Variants in NCOA1 observed in about 807,000 individuals in gnomAD.
The protein encoded by NCOA1 is nuclear receptor coactivator 1.
A neutral mutation model predicts 150.9 loss-of-function variants in NCOA1; 35 were observed. The observed-to-expected ratio is 0.23, with a 90% CI of 0.18 to 0.31. The LOEUF (loss-of-function observed/expected upper bound fraction) is 0.31, where lower values mean the gene tolerates loss of function less well. Ranked by LOEUF, NCOA1 falls within the 10% of genes least tolerant of loss-of-function variation. The probability of loss-of-function intolerance (pLI) is 1.00; values close to 1 mark genes in which losing one functional copy is unlikely to be tolerated. For synonymous variants in NCOA1, 590 were observed against 630.0 expected (o/e 0.94, Z 0.95); for missense variants, 1,491 against 1,749.3 (o/e 0.85, Z 2.63).
chr2:24,645,380 G>A (rs1260751882), intron 4 of NCOA1, among the ~76,000 whole-genome samples: 2 of 151,102 alleles, frequency 1.3e-5, no homozygotes, highest in Non-Finnish European at 2.9e-5. Context: ...GTGGGCGCCT[G>A]TAGTCCTAGC....
chr2:24,737,147 TC>T (rs1376662644), intron 17 of NCOA1, among the ~76,000 whole-genome samples: 5 of 152,200 alleles, frequency 3.3e-5, no homozygotes, highest in African/African-American at 1.2e-4. Context: ...AGTTAAGATT[TC>T]CAAGGAGCTG....
At chr2:24,730,871 C>CAAAAAAAAAAAA (rs35975198) in intron 17 of NCOA1, among the ~76,000 whole-genome samples, 6 of 61,840 alleles carry the variant, frequency 9.7e-5, no homozygotes, top group African/African-American at 3.6e-4. Context: ...ACTAAAAGTA[C>CAAAAAAAAAAAA]AAAAAAAAAA....
chr2:24,595,750 C>T (rs1292529886), intron 3 of NCOA1, among the ~76,000 whole-genome samples: 1 of 151,978 alleles, frequency 6.6e-6, no homozygotes, highest in African/African-American at 2.4e-5. Flanking sequence ...GCCTTGCAGC[C>T]TCTGCATAGA....
intron 3 of NCOA1, among the ~76,000 whole-genome samples, chr2:24,606,937 C>T (rs1668395770): frequency 6.6e-6 from 1 of 152,150 alleles, no homozygotes; most frequent in Non-Finnish European, 1.5e-5. Context: ...ACTTCTCAAA[C>T]CTTGGAATCA....
Position 24,720,130 on chromosome 2 carries a change from T to C in NCOA1, c.2600-6459T>C, listed in dbSNP as rs1674283590. Among the ~76,000 whole-genome samples the C allele has an allele frequency of 2.6e-5, 4 of 152,092 alleles. No homozygotes were observed. In the South Asian group the frequency reaches 8.3e-4, roughly 32 times the overall value. ...TCTATAATGAGGGGAAGTCAGTAAA[T>C]CTAAAATGGAGACATCAAGAAATAG... On this transcript the variant is annotated intron_variant, in intron 14 of 22. Transcript: ENST00000348332.
intron 22 of NCOA1, among the ~76,000 whole-genome samples, chr2:24,763,412 G>A (rs1664883143): frequency 6.6e-6 from 1 of 151,172 alleles, no homozygotes; most frequent in Admixed American, 6.6e-5. Flanking sequence ...GGTGGCGGGT[G>A]CCTGTAGTCC....
chr2:24,591,919 A>C (rs921201409), intron 3 of NCOA1, among the ~76,000 whole-genome samples: 1 of 152,160 alleles, frequency 6.6e-6, no homozygotes, highest in African/African-American at 2.4e-5. Context: ...GTTTTCTTGA[A>C]ATCCCAGTAA....
intron 3 of NCOA1, among the ~76,000 whole-genome samples, chr2:24,601,415 A>G (rs1021734710): frequency 6.6e-6 from 1 of 152,088 alleles, no homozygotes. Flanking sequence ...GCATCTCACT[A>G]TGTTGACCAA....
At chr2:24,753,513 T>C (rs2165202) in intron 20 of NCOA1, among the ~76,000 whole-genome samples, 3 of 152,234 alleles carry the variant, frequency 2.0e-5, no homozygotes, top group Non-Finnish European at 4.4e-5. Flanking sequence ...ATTCCCATCA[T>C]TCCACAGAAA....
chr2:24,734,068 T>G (rs1663162012), intron 17 of NCOA1, among the ~76,000 whole-genome samples: 1 of 150,602 alleles, frequency 6.6e-6, no homozygotes, highest in Non-Finnish European at 1.5e-5. Flanking sequence ...TCCCAGCTAC[T>G]CAGGAGGCTG....
At chr2:24,647,389 TCACTA>T (rs1330434841) in intron 4 of NCOA1, among the ~76,000 whole-genome samples, 5 of 152,204 alleles carry the variant, frequency 3.3e-5, no homozygotes, top group Non-Finnish European at 7.4e-5. Context: ...AGTTTTCTCG[TCACTA>T]ACATGGATTA....
At chr2:24,726,351 C>T (rs532218908) in intron 14 of NCOA1, among the ~76,000 whole-genome samples, 1 of 152,054 alleles carries the variant, frequency 6.6e-6, no homozygotes, top group African/African-American at 2.4e-5. Flanking sequence ...TAACAGTAAC[C>T]TATGTACAAA....
intron 1 of NCOA1, among the ~76,000 whole-genome samples, chr2:24,553,744 C>G (rs943347935): frequency 2.0e-5 from 3 of 151,988 alleles, no homozygotes; most frequent in African/African-American, 7.2e-5. Context: ...CTGTAGTTTT[C>G]TTGTAGTTTG....
rs1665238918 is a variant in NCOA1, at chr2:24,769,891, A to T, written c.*1500A>T. ...GGCCTGTGAATGATGACAGCACCTGACATTCTGCACCAGCTACCTCTGCCT... is the reference window on the plus strand; with the variant it reads ...GGCCTGTGAATGATGACAGCACCTGTCATTCTGCACCAGCTACCTCTGCCT... On this transcript the variant is annotated 3_prime_UTR_variant, in exon 23 of 23. Transcript: ENST00000348332. The T allele has an allele frequency of 4.4e-6, 1 of 225,718 alleles. No homozygotes were observed. The highest frequency in any genetic ancestry group is 5.7e-5 in the Admixed American group (1 of 17,492). 14.0% of individuals were successfully genotyped at this position (225,718 alleles called of 1,614,324 possible).
At chr2:24,714,218 A>G (rs965862472) in intron 14 of NCOA1, among the ~76,000 whole-genome samples, 4 of 152,222 alleles carry the variant, frequency 2.6e-5, no homozygotes, top group African/African-American at 9.6e-5. Flanking sequence ...GTACAAGTAA[A>G]TTAACTGTCT....
intron 21 of NCOA1, among the ~76,000 whole-genome samples, chr2:24,759,976 A>T (rs973191714): frequency 3.3e-5 from 5 of 151,762 alleles, no homozygotes; most frequent in Admixed American, 3.3e-4. Flanking sequence ...TTTATAAATT[A>T]ATTATAAACT....
At chr2:24,558,973 T>G (rs1173234486) in intron 1 of NCOA1, among the ~76,000 whole-genome samples, 2 of 152,116 alleles carry the variant, frequency 1.3e-5, no homozygotes, top group Non-Finnish European at 2.9e-5. Context: ...TGTGGTTGCA[T>G]GCTTGGTTTA....
At chr2:24,742,460 T>C (rs1397445558) in intron 19 of NCOA1, among the ~76,000 whole-genome samples, 1 of 152,018 alleles carries the variant, frequency 6.6e-6, no homozygotes, top group Non-Finnish European at 1.5e-5. Context: ...CCCCCTTTTT[T>C]TTTTCTTTTT....
chr2:24,706,409 A>G (rs1367758987), intron 12 of NCOA1, among the ~76,000 whole-genome samples, 159 bp from the exon 13 acceptor site: 1 of 152,094 alleles, frequency 6.6e-6, no homozygotes, highest in Non-Finnish European at 1.5e-5. Flanking sequence ...TTCTTAATTT[A>G]AGAAACTTTT....
Sources: allele counts gnomAD v4.1 joint callset (sites outside exome capture counted in the v4.1 genomes callset), GRCh38; gene constraint gnomAD v4.1.1; transcripts MANE v1.5; gene names NCBI Gene and HGNC (gene_info 2026-07-23, HGNC 2026-07-21).